Variants in LRRC3B observed in about 807,000 individuals in gnomAD.
The protein encoded by LRRC3B is leucine-rich repeat-containing protein 3B.
Under a neutral mutation model 12.8 loss-of-function variants are expected in LRRC3B, and 2 were observed. That is an observed-to-expected ratio of 0.16 (90% CI 0.06 to 0.49). The LOEUF is 0.49. Ranked by LOEUF, LRRC3B falls within the 20% of genes least tolerant of loss-of-function variation. LRRC3B has a pLI of 0.96. For synonymous variants in LRRC3B, 132 were observed against 122.0 expected (o/e 1.08, Z -0.54); for missense variants, 189 against 319.4 (o/e 0.59, Z 3.11).
chr3:26,641,971 A>G (rs1253320784), intron 1 of LRRC3B, among the ~76,000 whole-genome samples: 2 of 152,184 alleles, frequency 1.3e-5, no homozygotes, highest in African/African-American at 4.8e-5. Flanking sequence ...TTACTAATTG[A>G]AAAAGGTAAG....
At chr3:26,628,793 G>A (rs574726514) in intron 1 of LRRC3B, among the ~76,000 whole-genome samples, 1 of 146,250 alleles carries the variant, frequency 6.8e-6, no homozygotes, top group African/African-American at 2.5e-5. Context: ...CAGGTGGTAA[G>A]TTAATAGTAA....
chr3:26,627,207 T>G (rs183423089), intron 1 of LRRC3B, among the ~76,000 whole-genome samples: 1 of 152,322 alleles, frequency 6.6e-6, no homozygotes, highest in Admixed American at 6.5e-5. Context: ...AGTTCTAGTT[T>G]CCAAGAACAC....
chr3:26,651,511 G>C (rs62247432), intron 1 of LRRC3B, among the ~76,000 whole-genome samples: 11,870 of 152,086 alleles, frequency 0.078, 625 homozygotes, highest in South Asian at 0.17. Flanking sequence ...AGTTTCATGT[G>C]GTCAGAAAAT....
chr3:26,634,653 T>C (rs1301474339), intron 1 of LRRC3B, among the ~76,000 whole-genome samples: 2 of 152,248 alleles, frequency 1.3e-5, no homozygotes, highest in African/African-American at 4.8e-5. Flanking sequence ...TACTTGTTAG[T>C]AGGGATTATG....
chr3:26,625,229 A>C (rs1250299895), intron 1 of LRRC3B: 3 of 152,272 alleles, frequency 2.0e-5, no homozygotes, highest in African/African-American at 7.2e-5. Context: ...CAAAATTCAG[A>C]GCAGTTCCTT....
At chr3:26,685,534 TATATATATATATATATATATATATTCAC>T in intron 1 of LRRC3B, among the ~76,000 whole-genome samples, 1 of 62,422 alleles carries the variant, frequency 1.6e-5, no homozygotes, top group Admixed American at 1.5e-4. Flanking sequence ...TATATATATA[TATATATATATATATATATATATATTCAC>T]ATATATTCTT....
At chr3:26,662,477 G>A (rs1260599806) in intron 1 of LRRC3B, among the ~76,000 whole-genome samples, 1 of 152,044 alleles carries the variant, frequency 6.6e-6, no homozygotes, top group Non-Finnish European at 1.5e-5. Context: ...TACCCTGGCA[G>A]CCCCAGCCCC....
chr3:26,667,335 T>C (rs1178665192), intron 1 of LRRC3B, among the ~76,000 whole-genome samples: 6 of 152,188 alleles, frequency 3.9e-5, no homozygotes, highest in Non-Finnish European at 7.3e-5. Flanking sequence ...CAAAGCTCCA[T>C]ACCTCCTTTA....
intron 1 of LRRC3B, among the ~76,000 whole-genome samples, chr3:26,680,573 C>T (rs748423023): frequency 3.3e-5 from 5 of 152,250 alleles, no homozygotes; most frequent in African/African-American, 7.2e-5. Context: ...AGTTCCCCAA[C>T]GCCTCTCCGT....
chr3:26,693,815 A>C (rs530088872), intron 1 of LRRC3B, among the ~76,000 whole-genome samples: 2 of 152,364 alleles, frequency 1.3e-5, no homozygotes, highest in African/African-American at 4.8e-5. Context: ...TAAGGGTAAT[A>C]GTATTAAATA....
At chr3:26,671,668 C>T (rs1699751896) in intron 1 of LRRC3B, among the ~76,000 whole-genome samples, 1 of 151,902 alleles carries the variant, frequency 6.6e-6, no homozygotes, top group Non-Finnish European at 1.5e-5. Context: ...GCTGGGATTA[C>T]AGGTGCGAGC....
intron 1 of LRRC3B, among the ~76,000 whole-genome samples, chr3:26,706,228 C>G (rs1310858051): frequency 1.3e-5 from 2 of 152,094 alleles, no homozygotes; most frequent in Admixed American, 6.6e-5. Context: ...AATCACTTCT[C>G]AAAGGCCCCA....
chr3:26,709,365 G>T, intron 1 of LRRC3B, 148 bp from the exon 2 acceptor site: 1 of 348,100 alleles, frequency 2.9e-6, no homozygotes, highest in Non-Finnish European at 5.3e-6. Flanking sequence ...CTCCCATTTC[G>T]CAGATAACTC....
intron 1 of LRRC3B, among the ~76,000 whole-genome samples, chr3:26,665,587 A>G (rs1699581969): frequency 6.6e-6 from 1 of 152,318 alleles, no homozygotes; most frequent in East Asian, 1.9e-4. Context: ...GCAACAAGCT[A>G]TAAAAACATA....
At chr3:26,705,207 TTGA>T (rs1182382080) in intron 1 of LRRC3B, among the ~76,000 whole-genome samples, 4 of 152,164 alleles carry the variant, frequency 2.6e-5, no homozygotes, top group Admixed American at 2.6e-4. Context: ...GAAATGGTAT[TTGA>T]TGGTTGCCAC....
At chr3:26,640,764 G>C (rs1385127017) in intron 1 of LRRC3B, among the ~76,000 whole-genome samples, 1 of 152,130 alleles carries the variant, frequency 6.6e-6, no homozygotes, top group Non-Finnish European at 1.5e-5. Flanking sequence ...CTGGGTGTAG[G>C]AAGGACATGG....
intron 1 of LRRC3B, among the ~76,000 whole-genome samples, chr3:26,657,725 G>A (rs1053435918): frequency 1.3e-5 from 2 of 151,726 alleles, no homozygotes; most frequent in Non-Finnish European, 2.9e-5. Flanking sequence ...CATTACTTTC[G>A]AGGTTGCTCT....
chr3:26,626,019 AC>A (rs1368792338), intron 1 of LRRC3B, among the ~76,000 whole-genome samples: 1 of 152,136 alleles, frequency 6.6e-6, no homozygotes, highest in Non-Finnish European at 1.5e-5. Context: ...GGTACTAAAA[AC>A]CATTTGTCTG....
At chr3:26,694,252 C>A (rs535827300) in intron 1 of LRRC3B, among the ~76,000 whole-genome samples, 3 of 152,074 alleles carry the variant, frequency 2.0e-5, no homozygotes, top group Admixed American at 6.6e-5. Context: ...ATTCTATGGG[C>A]GATTTCACTA....
Sources: gnomAD v4.1 joint callset for allele counts (sites outside exome capture counted in the v4.1 genomes callset) on GRCh38, gnomAD v4.1.1 for gene constraint, MANE v1.5 for transcripts, NCBI Gene and HGNC (gene_info 2026-07-23, HGNC 2026-07-21) for gene names.